EXOC4: variants seen among roughly 807,000 people sequenced by gnomAD.
EXOC4 encodes exocyst complex component 4, also known as SEC8-like 1.
EXOC4 carries 71 observed loss-of-function variants against 107.2 expected under a neutral mutation model. That is an observed-to-expected ratio of 0.66 (90% CI 0.55 to 0.81). The LOEUF (loss-of-function observed/expected upper bound fraction) is 0.81. Ranked by LOEUF, EXOC4 falls within the 30% of genes least tolerant of loss-of-function variation. The pLI, the probability that EXOC4 is intolerant of heterozygous loss-of-function variation, is 0.00. For synonymous variants in EXOC4, 456 were observed against 441.2 expected, an observed-to-expected ratio of 1.03 and a Z score of -0.42; for missense variants, 1,108 against 1,189.6, an observed-to-expected ratio of 0.93 and a Z score of 1.01.
chr7:133,303,070 G>A (rs1484253138), intron 3 of EXOC4, among the ~76,000 whole-genome samples: 1 of 152,210 alleles, frequency 6.6e-6, no homozygotes, highest in Non-Finnish European at 1.5e-5. Context: ...AGTCTGTTGG[G>A]TTGACTGCTG....
rs1796024059 is a variant in EXOC4 at position 133,356,523 on chromosome 7, A to C, written c.957A>C (p.Ala319=). ...QIVKRSTTQV[A]DSGYQRGENV... is the part of the protein sequence containing the mutation. Reference sequence around the variant, plus strand: ...TGAAGAGGTCTACAACCCAGGTGGCAGACAGTGGCTATCAGCGGGGGGAGA... The same window carrying C: ...TGAAGAGGTCTACAACCCAGGTGGCCGACAGTGGCTATCAGCGGGGGGAGA... The change falls in exon 6 of 18, where the codon GCA becomes GCC. Residue 319 remains alanine, a synonymous_variant. Transcript: ENST00000253861. The C allele has an allele frequency of 6.2e-6, 10 of 1,614,120 alleles. No individual in the cohort carries two copies. The highest frequency in any genetic ancestry group is 8.5e-6 in the Non-Finnish European group (10 of 1,179,996).
intron 14 of EXOC4, among the ~76,000 whole-genome samples, chr7:133,978,478 T>G (rs1223041391): frequency 6.6e-6 from 1 of 152,202 alleles, no homozygotes; most frequent in Non-Finnish European, 1.5e-5. Flanking sequence ...AGTTCAAAAA[T>G]GTCTCAGGAG....
chr7:133,837,483 A>T (rs1307512725), intron 11 of EXOC4, among the ~76,000 whole-genome samples: 1 of 152,220 alleles, frequency 6.6e-6, no homozygotes, highest in East Asian at 1.9e-4. Flanking sequence ...CTGTGGCAGA[A>T]GTCATTTTGT....
chr7:133,850,595 T>C (rs963470477), intron 11 of EXOC4, among the ~76,000 whole-genome samples: 1 of 151,918 alleles, frequency 6.6e-6, no homozygotes, highest in African/African-American at 2.4e-5. Context: ...TATAGAATCA[T>C]ACGTTCAGAC....
intron 2 of EXOC4, among the ~76,000 whole-genome samples, chr7:133,278,261 T>C (rs1391148012): frequency 6.6e-6 from 1 of 152,238 alleles, no homozygotes; most frequent in Non-Finnish European, 1.5e-5. Flanking sequence ...AGGATTGTTC[T>C]AGATTTTCAG....
chr7:133,456,558 T>G (rs894590459), intron 7 of EXOC4, among the ~76,000 whole-genome samples: 1 of 152,302 alleles, frequency 6.6e-6, no homozygotes, highest in East Asian at 1.9e-4. Context: ...ATGTCTGATA[T>G]GAGAAAACTT....
At chr7:133,403,284 ATT>A (rs1317154270) in intron 7 of EXOC4, among the ~76,000 whole-genome samples, 1 of 152,302 alleles carries the variant, frequency 6.6e-6, no homozygotes, top group East Asian at 1.9e-4. Flanking sequence ...ATCCATAAGC[ATT>A]TGTCATCTTT....
Position 134,005,061 on chromosome 7 carries a change from A to G in EXOC4, c.2498A>G (p.Gln833Arg). The G allele has an allele frequency of 6.2e-7, 1 of 1,613,450 alleles. No homozygotes were observed. Among genetic ancestry groups the G allele is most frequent in the Non-Finnish European group, 8.5e-7 (1 of 1,179,534 alleles). Residue 833 changes from glutamine to arginine, a missense_variant, in exon 16 of 18, where the codon CAG (glutamine) becomes CGG (arginine). Gln to Arg is a conservative substitution (Grantham distance 43). Transcript: ENST00000253861. ...AIEEAMSASL[Q>R]QHKFQYIFEG... The stretch of plus-strand genomic sequence containing the variant: ...GAAGAGGCCATGAGCGCCAGCCTTC[A>G]GCAGCACAAGTTCCAGTATATCTTC...
chr7:133,322,172 G>T (rs888725845), intron 5 of EXOC4, among the ~76,000 whole-genome samples: 3 of 152,026 alleles, frequency 2.0e-5, no homozygotes, highest in Non-Finnish European at 4.4e-5. Context: ...TGTAGGTTGC[G>T]TGTTCACTCT....
intron 10 of EXOC4, chr7:133,768,453 A>T (rs1305815089): frequency 6.6e-6 from 1 of 151,954 alleles, no homozygotes; most frequent in Non-Finnish European, 1.5e-5. Context: ...TATGTAAAAT[A>T]CTGCAGAGAA....
Position 133,630,139 on chromosome 7 carries a change from AAGGT to A in EXOC4, c.1514_1514+3del. 1 of 1,607,230 alleles carries A rather than the reference AAGGT, an allele frequency of 6.2e-7. No individual in the cohort carries two copies. The highest frequency in any genetic ancestry group is 8.5e-7 in the Non-Finnish European group (1 of 1,173,836). On this transcript the variant is annotated splice_donor_variant and coding_sequence_variant, in exon 10 of 18. Coordinates refer to ENST00000253861, the MANE Select transcript of EXOC4 (RefSeq NM_021807.4). LOFTEE classifies it high-confidence loss of function. ...TTACCGTCATATTCCACCCATTACT[AAGGT>A]AAGTCAAGTGCTATGATATACTTAC...
intron 2 of EXOC4, among the ~76,000 whole-genome samples, chr7:133,281,903 A>G (rs2150534214): frequency 6.6e-6 from 1 of 152,214 alleles, no homozygotes; most frequent in East Asian, 1.9e-4. Flanking sequence ...GGGTTTCACC[A>G]TGTTGGCCAG....
At chr7:133,614,657 G>T (rs1802146828) in intron 9 of EXOC4, among the ~76,000 whole-genome samples, 1 of 151,984 alleles carries the variant, frequency 6.6e-6, no homozygotes, top group Non-Finnish European at 1.5e-5. Context: ...CATTGTTATA[G>T]AAAATGCCAT....
At chr7:133,909,699 G>A (rs1397204114) in intron 12 of EXOC4, among the ~76,000 whole-genome samples, 4 of 152,104 alleles carry the variant, frequency 2.6e-5, no homozygotes, top group African/African-American at 9.7e-5. Flanking sequence ...TGCTTCCCAG[G>A]TGTTTTCATG....
At chr7:133,987,445 A>C (rs1212723329) in intron 14 of EXOC4, among the ~76,000 whole-genome samples, 1 of 151,626 alleles carries the variant, frequency 6.6e-6, no homozygotes, top group Non-Finnish European at 1.5e-5. Flanking sequence ...AAAGAGATGG[A>C]AGGAGGGAAG....
chr7:133,598,153 C>T (rs1801725714), intron 9 of EXOC4, among the ~76,000 whole-genome samples: 2 of 152,168 alleles, frequency 1.3e-5, no homozygotes, highest in Admixed American at 6.5e-5. Context: ...CTGCTTATGT[C>T]TCACAGGACA....
chr7:134,092,948 AG>A, the EXOC4 span, among the ~76,000 whole-genome samples: 7 of 151,636 alleles, frequency 4.6e-5, no homozygotes, highest in East Asian at 1.9e-4. Context: ...AGGAAACCAA[AG>A]AATGATACCT....
chr7:133,929,122 G>A (rs1306435598), intron 13 of EXOC4, among the ~76,000 whole-genome samples: 1 of 151,738 alleles, frequency 6.6e-6, no homozygotes, highest in Non-Finnish European at 1.5e-5. Context: ...TAGTAGAGAT[G>A]GGGTTTCACC....
intron 14 of EXOC4, among the ~76,000 whole-genome samples, chr7:133,968,653 ATG>A: frequency 6.6e-6 from 1 of 152,218 alleles, no homozygotes; most frequent in East Asian, 1.9e-4. Context: ...TTCTTTAAGA[ATG>A]TTGAATATTG....
Sources: gnomAD v4.1 joint callset for allele counts (sites outside exome capture counted in the v4.1 genomes callset) on GRCh38, gnomAD v4.1.1 for gene constraint, MANE v1.5 for transcripts, NCBI Gene and HGNC (gene_info 2026-07-23, HGNC 2026-07-21) for gene names.